MYOM1: variants seen among roughly 807,000 people sequenced by gnomAD.
The protein encoded by MYOM1 is myomesin-1.
MYOM1 carries 164 observed loss-of-function variants against 205.3 expected under a neutral mutation model. The ratio of observed to expected loss-of-function variants is 0.80; its 90% CI spans 0.70 to 0.91. The LOEUF is 0.91. Ranked by LOEUF, MYOM1 falls within the 40% of genes least tolerant of loss-of-function variation. The probability of loss-of-function intolerance (pLI) is 0.00; values close to 1 mark genes in which losing one functional copy is unlikely to be tolerated. For missense variants in MYOM1, 2,011 were observed against 2,127.3 expected (o/e 0.95, Z 1.08); for synonymous variants, 772 against 789.4 (o/e 0.98, Z 0.37).
chr18:3,172,405 T>C (rs1467854893), intron 8 of MYOM1, among the ~76,000 whole-genome samples: 2 of 152,144 alleles, frequency 1.3e-5, no homozygotes, highest in Non-Finnish European at 2.9e-5. Context: ...ACATGGATGA[T>C]GATACAGTTG....
At position 3,156,289 on chromosome 18, in the gene MYOM1, C is replaced by T. The variant is rs186445800; in HGVS notation, c.1502-1201G>A. 1.7e-3 allele frequency among the ~76,000 whole-genome samples: 263 copies of T among 152,288 alleles called. 2 individuals are homozygous for T. Among genetic ancestry groups the T allele is most frequent in the African/African-American group, 6.1e-3 (253 of 41,552 alleles). Reference sequence around the variant, plus strand: ...CTCACTCAAGGGAAAGCACCCATGTCGACCAAACAAACACTTTCTTTCCCT... The same window carrying T: ...CTCACTCAAGGGAAAGCACCCATGTTGACCAAACAAACACTTTCTTTCCCT... On this transcript the variant is annotated intron_variant, in intron 10 of 37. Transcript: ENST00000356443.
chr18:3,176,236 G>A (rs1246150501), intron 5 of MYOM1, 102 bp from the exon 6 acceptor site: 2 of 676,848 alleles, frequency 3.0e-6, no homozygotes, highest in East Asian at 5.3e-5. Context: ...CTGTAAACAG[G>A]GCACTGAGGG....
Position 3,209,213 on chromosome 18 carries a change from C to A in MYOM1, c.290+5721G>T, listed in dbSNP as rs1407702884. Among the ~76,000 whole-genome samples, 1 of 152,152 alleles carries A rather than the reference C, an allele frequency of 6.6e-6. No individual in the cohort carries two copies. The highest frequency in any genetic ancestry group is 2.4e-5 in the African/African-American group (1 of 41,438). Reference sequence around the variant, plus strand: ...AGAGTCTCAGAAGATTCATTGTATGCGCAAAATCTCCACAGACCATTTCAC... The same window carrying A: ...AGAGTCTCAGAAGATTCATTGTATGAGCAAAATCTCCACAGACCATTTCAC... On this transcript the variant is annotated intron_variant, in intron 2 of 37. Transcript: ENST00000356443. This position sits in a 1 kb window ranked among gnomAD's most constrained non-coding sequence, Gnocchi z 4.0.
chr18:3,187,447 T>A (rs1487808950), intron 5 of MYOM1, 33 bp downstream of exon 5: 1 of 1,602,648 alleles, frequency 6.2e-7, no homozygotes, highest in South Asian at 1.1e-5. Flanking sequence ...CTTGGTGTAA[T>A]GAATTCTGTT....
chr18:3,138,121 G>C (rs886283035), intron 14 of MYOM1, among the ~76,000 whole-genome samples: 15 of 152,208 alleles, frequency 9.9e-5, no homozygotes, highest in Non-Finnish European at 1.9e-4. Context: ...AGAAGATACA[G>C]TAACAAAACT....
Position 3,155,056 on chromosome 18 carries a change from C to T in MYOM1, c.1534G>A (p.Ala512Thr). 3 of 1,613,010 alleles carry T rather than the reference C, an allele frequency of 1.9e-6. No homozygotes were observed. Among genetic ancestry groups the T allele is most frequent in the East Asian group, 2.2e-5 (1 of 44,866 alleles). The change falls in exon 11 of 38, where the codon GCT (alanine) becomes ACT (threonine). Residue 512 changes from alanine to threonine, a missense_variant. Ala to Thr is a moderately conservative substitution (Grantham distance 58). Transcript: ENST00000356443. ...ADAEIEGAPA[A>T]PLDVKCLEAN... ...TCCAAGCACTTCACATCCAAGGGAG[C>T]AGCTGGGGCTCCTTCAATCTCTGCA...
intron 25 of MYOM1, 127 bp downstream of exon 25, chr18:3,100,032 T>C: frequency 1.1e-6 from 1 of 933,798 alleles, no homozygotes. Flanking sequence ...TAGCTACTGA[T>C]GTGTGTTCCA....
At chr18:3,140,774 G>T (rs1033570900) in intron 14 of MYOM1, among the ~76,000 whole-genome samples, 10 of 151,928 alleles carry the variant, frequency 6.6e-5, no homozygotes, top group African/African-American at 2.4e-4. Flanking sequence ...AGACCTTTAG[G>T]AAAATTAACT....
Position 3,067,873 on chromosome 18 carries a change from T to C in MYOM1, c.4765-318A>G, listed in dbSNP as rs919948762. Among the ~76,000 whole-genome samples, 5 of 152,182 alleles carry C rather than the reference T, an allele frequency of 3.3e-5. No homozygotes were observed. In the South Asian group the frequency reaches 1.0e-3, roughly 32 times the overall value. On this transcript the variant is annotated intron_variant, in intron 37 of 37. Coordinates refer to ENST00000356443, the MANE Select transcript of MYOM1 (RefSeq NM_003803.4). The stretch of plus-strand genomic sequence containing the variant: ...TTTCACTTTCTCTTTCATAAACATA[T>C]AGATGCCTTTTGCTCTATTGTGGCA...
chr18:3,148,654 T>C (rs1462054859), intron 13 of MYOM1, among the ~76,000 whole-genome samples: 1 of 152,010 alleles, frequency 6.6e-6, no homozygotes, highest in Non-Finnish European at 1.5e-5. Flanking sequence ...GAGACCATCC[T>C]GGCTAACACG....
chr18:3,119,523 A>G (rs2079654013), intron 20 of MYOM1, among the ~76,000 whole-genome samples: 1 of 152,170 alleles, frequency 6.6e-6, no homozygotes, highest in South Asian at 2.1e-4. Flanking sequence ...TAAATTGGAT[A>G]ACCTTTAAGT....
intron 37 of MYOM1, among the ~76,000 whole-genome samples, chr18:3,069,320 T>C (rs1400209297): frequency 6.6e-6 from 1 of 152,236 alleles, no homozygotes; most frequent in Non-Finnish European, 1.5e-5. Flanking sequence ...TTGAATTTAC[T>C]TCACATTTTA....
chr18:3,229,233 C>G, the MYOM1 span, among the ~76,000 whole-genome samples: 11 of 152,188 alleles, frequency 7.2e-5, no homozygotes, highest in African/African-American at 2.7e-4. Flanking sequence ...GGTTCTCCTT[C>G]CTGGCTATAC....
chr18:3,228,139 A>G, the MYOM1 span, among the ~76,000 whole-genome samples: 1 of 152,136 alleles, frequency 6.6e-6, no homozygotes, highest in Non-Finnish European at 1.5e-5. This position sits in a 1 kb window ranked among gnomAD's most constrained non-coding sequence, Gnocchi z 4.5. Flanking sequence ...GCCAGCCCCC[A>G]ATCCCCATGT....
rs559553418 is a variant in MYOM1 at position 3,219,859 on chromosome 18, T to G, written c.-85A>C. ...GTTCCGATGAGGCCGAGGAGCTGGA[T>G]GAGAGAATGAAGACTCCACCTAGGT... On this transcript the variant is annotated 5_prime_UTR_variant, in exon 1 of 38. Transcript: ENST00000356443. The surrounding 1 kb of genome is among the most constrained non-coding windows in gnomAD (Gnocchi z 4.4). 6.6e-6 allele frequency: 1 copy of G among 152,326 alleles called. No individual in the cohort carries two copies. Among genetic ancestry groups the G allele is most frequent in the East Asian group, 1.9e-4 (1 of 5,188 alleles). The allele number at this position is 152,326 out of a possible 1,614,324, so 9.4% of individuals were successfully genotyped here. A position where few individuals can be genotyped will look rare whatever the true frequency, so the allele number is the denominator to read the frequency against.
intron 17 of MYOM1, 131 bp from the exon 18 acceptor site, chr18:3,129,650 C>T (rs747868407): frequency 1.0e-5 from 10 of 952,796 alleles, no homozygotes; most frequent in Admixed American, 6.1e-5. Context: ...TAAAGAAAAT[C>T]GCTCACATTT....
At chr18:3,221,438 T>TTA (rs1409169982), upstream of MYOM1, among the ~76,000 whole-genome samples, 1 of 152,186 alleles carries the variant, frequency 6.6e-6, no homozygotes, top group East Asian at 1.9e-4. Context: ...GATAGGCAGT[T>TTA]TATATACATG....
In MYOM1 at chr18:3,219,439, A is replaced by T. The variant is rs2081306971; in HGVS notation, c.-29+364T>A. 6.6e-6 allele frequency among the ~76,000 whole-genome samples: 1 copy of T among 152,184 alleles called. No homozygotes were observed. ...GGGAGCATTGTATGGCACATGCAGG[A>T]TTGAAAATGCAGGGCCTCCTGTCTC... On this transcript the variant is annotated intron_variant, in intron 1 of 37. Coordinates refer to ENST00000356443, the MANE Select transcript of MYOM1 (RefSeq NM_003803.4). The surrounding 1 kb of genome is among the most constrained non-coding windows in gnomAD (Gnocchi z 4.4).
chr18:3,196,422 T>G (rs1205053785), intron 2 of MYOM1, among the ~76,000 whole-genome samples: 1 of 152,208 alleles, frequency 6.6e-6, no homozygotes, highest in Non-Finnish European at 1.5e-5. Flanking sequence ...TATTTAAATT[T>G]TGAAAATAAG....
Sources: allele counts gnomAD v4.1 joint callset (sites outside exome capture counted in the v4.1 genomes callset), GRCh38; gene constraint gnomAD v4.1.1; non-coding constraint Gnocchi (gnomAD v3.1); transcripts MANE v1.5; gene names NCBI Gene and HGNC (gene_info 2026-07-23, HGNC 2026-07-21).